HTT: variants seen among roughly 807,000 people sequenced by gnomAD.
HTT encodes huntington disease protein.
Under a neutral mutation model 362.3 loss-of-function variants are expected in HTT, and 104 were observed. That is an observed-to-expected ratio of 0.29 (90% CI 0.24 to 0.34). The LOEUF (loss-of-function observed/expected upper bound fraction) is 0.34, where lower values mean the gene tolerates loss of function less well. HTT is among the 10% of genes least tolerant of loss of function. HTT has a pLI of 1.00. For synonymous variants in HTT, 1,577 were observed against 1,548.7 expected, an observed-to-expected ratio of 1.02 and a Z score of -0.43; for missense variants, 3,301 against 3,928.6, an observed-to-expected ratio of 0.84 and a Z score of 4.27.
At chr4:3,081,018 A>G (rs1360065095) in intron 1 of HTT, among the ~76,000 whole-genome samples, 5 of 152,216 alleles carry the variant, frequency 3.3e-5, no homozygotes. Context: ...AATTCATGAA[A>G]TGTGAGTTCT....
At chr4:3,118,782 A>G (rs1715156040) in intron 8 of HTT, among the ~76,000 whole-genome samples, 1 of 152,236 alleles carries the variant, frequency 6.6e-6, no homozygotes, top group African/African-American at 2.4e-5. Context: ...ACCTTTCTCC[A>G]AAGTAAATAA....
chr4:3,113,062 G>A, intron 6 of HTT: 1 of 961,944 alleles, frequency 1.0e-6, no homozygotes, highest in African/African-American at 1.8e-5. Flanking sequence ...GGTATGTTGT[G>A]CATGTGTTGA....
intron 2 of HTT, among the ~76,000 whole-genome samples, chr4:3,090,838 G>GTGGT (rs1713461841): frequency 6.6e-6 from 1 of 152,254 alleles, no homozygotes; most frequent in East Asian, 1.9e-4. Context: ...CAGGCCTGGT[G>GTGGT]TGGTGGCCCA....
rs1578623141 is a variant in HTT, at chr4:3,240,747, A to G, written c.*688A>G. 1 of 153,064 alleles carries G rather than the reference A, an allele frequency of 6.5e-6. No homozygotes were observed. Among genetic ancestry groups the G allele is most frequent in the African/African-American group, 2.4e-5 (1 of 41,446 alleles). The allele number at this position is 153,064 out of a possible 1,614,324, so 9.5% of individuals were successfully genotyped here. On this transcript the variant is annotated 3_prime_UTR_variant, in exon 67 of 67. Coordinates refer to ENST00000355072, the MANE Select transcript of HTT (RefSeq NM_001388492.1). ...GGGGTGGTGGACAGGGCCCCCGGCCACGCTCCCTCTCCTGTAGCCACTGGC... is the reference window on the plus strand; with the variant it reads ...GGGGTGGTGGACAGGGCCCCCGGCCGCGCTCCCTCTCCTGTAGCCACTGGC...
chr4:3,156,268 T>C (rs908827105), intron 27 of HTT, among the ~76,000 whole-genome samples: 1 of 152,140 alleles, frequency 6.6e-6, no homozygotes, highest in Admixed American at 6.6e-5. Flanking sequence ...TACAGGCACA[T>C]GCTACTGCAC....
At chr4:3,112,317 T>C (rs1386650212) in intron 6 of HTT, among the ~76,000 whole-genome samples, 2 of 152,182 alleles carry the variant, frequency 1.3e-5, no homozygotes, top group South Asian at 2.1e-4. Flanking sequence ...AAATCATTAG[T>C]GTATCCCTTG....
intron 2 of HTT, among the ~76,000 whole-genome samples, chr4:3,095,209 C>T (rs764070401): frequency 9.9e-5 from 15 of 152,248 alleles, no homozygotes; most frequent in Non-Finnish European, 1.0e-4. Flanking sequence ...GACCCGAGAT[C>T]ACGCCACTGC....
Position 3,162,655 on chromosome 4 carries a change from G to A in HTT, c.3864+2263G>A, listed in dbSNP as rs1388660451. Among the ~76,000 whole-genome samples, 3 of 152,294 alleles carry A rather than the reference G, an allele frequency of 2.0e-5. No homozygotes were observed. The East Asian group carries it at 5.8e-4, about 29-fold the overall frequency. On this transcript the variant is annotated intron_variant, in intron 29 of 66. Transcript: ENST00000355072. The stretch of plus-strand genomic sequence containing the variant: ...AGGTCCTTCACATCCCTTGTAAGTT[G>A]TCTTCCTAGGTGTTTCATTCCCTTA...
intron 2 of HTT, among the ~76,000 whole-genome samples, chr4:3,092,075 T>G (rs1713538517): frequency 6.6e-6 from 1 of 152,178 alleles, no homozygotes; most frequent in Admixed American, 6.5e-5. Flanking sequence ...TGGGCCAGAG[T>G]GCAATGGTGC....
chr4:3,224,474 C>G lies in HTT; in HGVS notation c.7765+343C>G, dbSNP rs1043608817. On this transcript the variant is annotated intron_variant, in intron 56 of 66. Transcript: ENST00000355072. ...TACACAAGCTGAATCTCCAGCTTTTCCTAAGAAACCATGTGTGGCAGTGGC... is the reference window on the plus strand; with the variant it reads ...TACACAAGCTGAATCTCCAGCTTTTGCTAAGAAACCATGTGTGGCAGTGGC... Among the ~76,000 whole-genome samples the G allele has an allele frequency of 3.3e-5, 5 of 152,342 alleles. No individual in the cohort carries two copies. The South Asian group carries it at 6.2e-4, about 19-fold the overall frequency.
chr4:3,238,467 G>T lies in HTT; in HGVS notation c.8912G>T (p.Cys2971Phe). 6.2e-7 allele frequency: 1 copy of T among 1,611,868 alleles called. No individual in the cohort carries two copies. Among genetic ancestry groups the T allele is most frequent in the Non-Finnish European group, 8.5e-7 (1 of 1,178,946 alleles). Reference protein sequence around the residue: ...LFDRIRKGFPCEARVVARILP... With the variant: ...LFDRIRKGFPFEARVVARILP... The stretch of plus-strand genomic sequence containing the variant: ...CCCAGGATCAGGAAAGGCTTTCCTT[G>T]TGAAGCCAGAGTGGTGGCCAGGATC... Residue 2971 changes from cysteine (C) to phenylalanine (F), a missense_variant, in exon 65 of 67, where the codon TGT becomes TTT. Coordinates refer to ENST00000355072, the MANE Select transcript of HTT (RefSeq NM_001388492.1).
intron 14 of HTT, among the ~76,000 whole-genome samples, chr4:3,131,000 C>T (rs1424400377): frequency 6.6e-6 from 1 of 152,032 alleles, no homozygotes; most frequent in Non-Finnish European, 1.5e-5. Context: ...GCAGCCGTTC[C>T]TGAATGCCTA....
In HTT at chr4:3,203,530, T is replaced by C. The variant is rs150023795; in HGVS notation, c.5577-477T>C. Among the ~76,000 whole-genome samples, 76 of 152,328 alleles carry C rather than the reference T, an allele frequency of 5.0e-4. 1 individual carries two copies. The East Asian group carries it at 0.015, about 29-fold the overall frequency. On this transcript the variant is annotated intron_variant, in intron 41 of 66. Transcript: ENST00000355072. ...ACCTGTGTTAGTGGGGAAGAAGTGT[T>C]TTTAAACAGGATTTCCATAACGTAT...
At chr4:3,109,839 A>T (rs1468932759) in intron 6 of HTT, among the ~76,000 whole-genome samples, 1 of 152,120 alleles carries the variant, frequency 6.6e-6, no homozygotes, top group African/African-American at 2.4e-5. Context: ...ACCTACTCAT[A>T]GGCCAGGCCC....
chr4:3,153,954 G>A (rs559130855), intron 26 of HTT, among the ~76,000 whole-genome samples: 400 of 152,268 alleles, frequency 2.6e-3, no homozygotes, highest in African/African-American at 9.4e-3. Flanking sequence ...CCCCTTTCAT[G>A]TCATGGCGTC....
Position 3,182,422 on chromosome 4 carries a change from G to A in HTT, c.4818G>A (p.Leu1606=). 3 of 1,614,130 alleles carry A rather than the reference G, an allele frequency of 1.9e-6. No individual in the cohort carries two copies. The highest frequency in any genetic ancestry group is 1.3e-5 in the African/African-American group (1 of 75,054). Residue 1606 remains leucine, a synonymous_variant, in exon 37 of 67, where the codon CTG becomes CTA. Coordinates refer to ENST00000355072, the MANE Select transcript of HTT (RefSeq NM_001388492.1). ...AGAATGAAGACAAGTGGAAGCGACT[G>A]TCTCGACAGATAGCTGACATCATCC... is the stretch of plus-strand genomic sequence containing the variant. The part of the protein sequence containing the change: ...HKENEDKWKR[L]SRQIADIILP...
chr4:3,081,550 CTTTTT>C (rs770325842), intron 1 of HTT, among the ~76,000 whole-genome samples: 6 of 84,526 alleles, frequency 7.1e-5, no homozygotes, highest in African/African-American at 2.5e-4. Context: ...GAAAGCATTT[CTTTTT>C]TTTTTTTTTT....
At chr4:3,232,990 AC>A (rs571802165) in intron 60 of HTT, among the ~76,000 whole-genome samples, 172 bp from the exon 61 acceptor site, 135 of 152,342 alleles carry the variant, frequency 8.9e-4, no homozygotes, top group Admixed American at 2.1e-3. Context: ...CACCGTCCCA[AC>A]ACCAGCCAGG....
rs1158267087 is a variant in HTT, at chr4:3,172,975, A to T, written c.4010A>T (p.Lys1337Met). The change falls in exon 31 of 67, where the codon AAG (lysine) becomes ATG (methionine). Residue 1337 changes from lysine (K) to methionine (M), a missense_variant. Physicochemically the swap from Lys to Met is moderately conservative, Grantham distance 95. This residue lies in a region of HTT where 2,316 missense variants were observed against 2,658.5 expected (regional missense o/e 0.87). Transcript: ENST00000355072. ...GATGGCTTATCTTCCAACCCCAGCA[A>T]GTCACAAGGCCGAGCACAGCGCCTT... ...QFDGLSSNPS[K>M]SQGRAQRLGS... is the part of the protein sequence containing the mutation. 2 of 1,614,200 alleles carry T rather than the reference A, an allele frequency of 1.2e-6. No individual in the cohort carries two copies. Among genetic ancestry groups the T allele is most frequent in the South Asian group, 2.2e-5 (2 of 91,086 alleles).
Sources: allele counts gnomAD v4.1 joint callset (sites outside exome capture counted in the v4.1 genomes callset), GRCh38; gene constraint gnomAD v4.1.1; regional missense constraint gnomAD v4.1.1; transcripts MANE v1.5; gene names NCBI Gene and HGNC (gene_info 2026-07-23, HGNC 2026-07-21).